RALYL: variants seen among roughly 807,000 people sequenced by gnomAD.
RALYL encodes the protein RALY RNA binding protein like.
A neutral mutation model predicts 35.1 loss-of-function variants in RALYL; 29 were observed. That is an observed-to-expected ratio of 0.83 (90% CI 0.61 to 1.13). The LOEUF is 1.13. Ranked by LOEUF, RALYL falls within the 50% of genes most tolerant of loss-of-function variation. The probability of loss-of-function intolerance (pLI) is 0.00; values close to 1 mark genes in which losing one functional copy is unlikely to be tolerated. For missense variants in RALYL, 359 were observed against 360.4 expected (o/e 1.00, Z 0.03); for synonymous variants, 120 against 127.6 (o/e 0.94, Z 0.40).
intron 1 of RALYL, among the ~76,000 whole-genome samples, chr8:84,387,045 C>T (rs1404084121): frequency 6.6e-6 from 1 of 151,794 alleles, no homozygotes; most frequent in Non-Finnish European, 1.5e-5. Flanking sequence ...GTCTCCTTCA[C>T]TTTTGTTTCC....
intron 8 of RALYL, among the ~76,000 whole-genome samples, chr8:84,906,253 C>T (rs1846471630): frequency 1.3e-5 from 2 of 150,616 alleles, no homozygotes; most frequent in Admixed American, 1.3e-4. Flanking sequence ...ATTCATTTCC[C>T]AGTGTTTCAC....
At chr8:84,429,600 G>A (rs1313132419) in intron 1 of RALYL, among the ~76,000 whole-genome samples, 1 of 151,892 alleles carries the variant, frequency 6.6e-6, no homozygotes, top group Non-Finnish European at 1.5e-5. Context: ...TATTTCTGCG[G>A]TGGTTGACTT....
At chr8:84,260,085 A>C (rs955487161) in intron 1 of RALYL, among the ~76,000 whole-genome samples, 1 of 152,158 alleles carries the variant, frequency 6.6e-6, no homozygotes, top group Admixed American at 6.6e-5. Context: ...TGCACTTACA[A>C]GTTAGATATT....
chr8:84,914,465 C>T (rs1263062512), intron 8 of RALYL, among the ~76,000 whole-genome samples: 1 of 151,924 alleles, frequency 6.6e-6, no homozygotes, highest in African/African-American at 2.4e-5. Context: ...TCCCAAAACA[C>T]TCAAAATACA....
intron 2 of RALYL, among the ~76,000 whole-genome samples, chr8:84,639,931 A>G (rs1051430318): frequency 2.6e-5 from 4 of 152,022 alleles, no homozygotes; most frequent in Non-Finnish European, 4.4e-5. Flanking sequence ...AGCTACTGTG[A>G]TGTGATCTTG....
At chr8:84,820,375 A>G (rs987009371) in intron 4 of RALYL, among the ~76,000 whole-genome samples, 2 of 152,192 alleles carry the variant, frequency 1.3e-5, no homozygotes, top group Non-Finnish European at 2.9e-5. Context: ...CTTGACATGC[A>G]TAAGCTCTCA....
chr8:84,691,829 A>G (rs1216726084), intron 2 of RALYL, among the ~76,000 whole-genome samples: 1 of 152,072 alleles, frequency 6.6e-6, no homozygotes, highest in African/African-American at 2.4e-5. Context: ...ATGTGCATAG[A>G]TACAAAAATC....
chr8:84,807,604 G>A (rs1351192169), intron 4 of RALYL, among the ~76,000 whole-genome samples: 1 of 152,084 alleles, frequency 6.6e-6, no homozygotes, highest in African/African-American at 2.4e-5. Context: ...GTTTTCTATA[G>A]TGGTTGTACT....
intron 2 of RALYL, among the ~76,000 whole-genome samples, chr8:84,764,230 A>G (rs1169761207): frequency 4.6e-5 from 7 of 152,018 alleles, no homozygotes; most frequent in Non-Finnish European, 8.8e-5. Flanking sequence ...TGCCTGTTAC[A>G]TTTTCTATAG....
intron 1 of RALYL, among the ~76,000 whole-genome samples, chr8:84,288,756 C>T (rs1253075582): frequency 6.6e-6 from 1 of 151,998 alleles, no homozygotes. Flanking sequence ...TATTTTTTCT[C>T]TGTACATTTT....
intron 4 of RALYL, among the ~76,000 whole-genome samples, chr8:84,843,613 A>T (rs1833920510): frequency 6.6e-6 from 1 of 152,328 alleles, no homozygotes; most frequent in South Asian, 2.1e-4. Context: ...ATTGGAAAAC[A>T]CTACTTTAAA....
intron 1 of RALYL, among the ~76,000 whole-genome samples, chr8:84,303,617 G>A (rs181855298): frequency 8.1e-4 from 124 of 152,302 alleles, no homozygotes; most frequent in Non-Finnish European, 9.1e-4. Flanking sequence ...ATTTAAAACA[G>A]AAATGTGTGA....
chr8:84,721,991 G>T (rs1038853468), intron 2 of RALYL, among the ~76,000 whole-genome samples: 8 of 152,044 alleles, frequency 5.3e-5, no homozygotes, highest in African/African-American at 1.9e-4. Flanking sequence ...GCAGGTGAAA[G>T]CTCTCTCAAG....
intron 1 of RALYL, among the ~76,000 whole-genome samples, chr8:84,428,077 G>GTCTCTCTCTCTCTCTC (rs71271988): frequency 3.1e-5 from 4 of 129,324 alleles, no homozygotes; most frequent in African/African-American, 1.1e-4. Flanking sequence ...CTTGCTCGCT[G>GTCTCTCTCTCTCTCTC]TCTCTCTCTC....
At chr8:84,528,520 G>A (rs1272880850) in intron 1 of RALYL, among the ~76,000 whole-genome samples, 3 of 152,044 alleles carry the variant, frequency 2.0e-5, no homozygotes, top group East Asian at 1.9e-4. Context: ...AGGCAACATA[G>A]GAGCCTTTAG....
At chr8:84,376,925 G>T (rs1772452508) in intron 1 of RALYL, among the ~76,000 whole-genome samples, 1 of 151,688 alleles carries the variant, frequency 6.6e-6, no homozygotes, top group Non-Finnish European at 1.5e-5. Flanking sequence ...TACAACTCTG[G>T]GTCTCATGTG....
intron 1 of RALYL, among the ~76,000 whole-genome samples, chr8:84,398,909 G>A (rs1019652331): frequency 4.0e-5 from 6 of 151,390 alleles, no homozygotes; most frequent in Admixed American, 1.3e-4. Context: ...AGGAGGCAGA[G>A]GTGGCAGTGA....
chr8:84,321,036 G>C (rs1844710449), intron 1 of RALYL, among the ~76,000 whole-genome samples: 1 of 152,062 alleles, frequency 6.6e-6, no homozygotes, highest in Admixed American at 6.6e-5. Flanking sequence ...TCAGGGGTTA[G>C]GGGAGACTTC....
intron 1 of RALYL, among the ~76,000 whole-genome samples, chr8:84,310,841 A>G (rs1001305227): frequency 7.3e-5 from 10 of 137,846 alleles, no homozygotes; most frequent in Non-Finnish European, 1.1e-4. Flanking sequence ...AGGTCAGGAG[A>G]TCGAGACCGT....
Sources: gnomAD v4.1 joint callset for allele counts (sites outside exome capture counted in the v4.1 genomes callset) on GRCh38, gnomAD v4.1.1 for gene constraint, MANE v1.5 for transcripts, NCBI Gene and HGNC (gene_info 2026-07-23, HGNC 2026-07-21) for gene names.